Variants in IQCJ observed in about 807,000 individuals in gnomAD.
IQCJ encodes IQ domain-containing protein J.
Under a neutral mutation model 11.0 loss-of-function variants are expected in IQCJ, and 9 were observed. The ratio of observed to expected loss-of-function variants is 0.82; its 90% CI spans 0.49 to 1.43. The LOEUF is 1.43. Among genes scored for constraint, IQCJ ranks in the 40% most tolerant of loss-of-function variants. The pLI is 0.00. For missense variants in IQCJ, 146 were observed against 133.2 expected (o/e 1.10, Z -0.47); for synonymous variants, 55 against 51.3 (o/e 1.07, Z -0.31).
intron 1 of IQCJ, among the ~76,000 whole-genome samples, chr3:159,168,853 A>G (rs1258391555): frequency 6.6e-6 from 1 of 151,992 alleles, no homozygotes; most frequent in East Asian, 1.9e-4. Context: ...ACATAGAGTC[A>G]ATGGACCCAC....
At chr3:159,123,650 C>G (rs998305972) in intron 1 of IQCJ, among the ~76,000 whole-genome samples, 1 of 152,126 alleles carries the variant, frequency 6.6e-6, no homozygotes, top group African/African-American at 2.4e-5. Flanking sequence ...GGGCCGATCA[C>G]TCCACACCTC....
intron 1 of IQCJ, among the ~76,000 whole-genome samples, chr3:159,116,614 G>C: frequency 1.7e-5 from 1 of 57,706 alleles, no homozygotes. Context: ...CTGCTCATAT[G>C]TATATATATA....
chr3:159,088,775 G>A (rs573781954), intron 1 of IQCJ, among the ~76,000 whole-genome samples: 1 of 151,924 alleles, frequency 6.6e-6, no homozygotes, highest in South Asian at 2.1e-4. Context: ...TTGCTTGGTA[G>A]ATCTTCCTCC....
intron 1 of IQCJ, among the ~76,000 whole-genome samples, chr3:159,137,628 G>T (rs939864023): frequency 1.3e-5 from 2 of 151,954 alleles, no homozygotes; most frequent in African/African-American, 2.4e-5. Context: ...CTTTATTTTT[G>T]ATCTATTGAC....
intron 1 of IQCJ, among the ~76,000 whole-genome samples, chr3:159,082,344 A>AT (rs1472332154): frequency 6.7e-6 from 1 of 149,220 alleles, no homozygotes; most frequent in Admixed American, 6.7e-5. Flanking sequence ...AAACAACTCT[A>AT]TAAGTTTTTT....
chr3:159,159,114 T>C (rs558155369), intron 1 of IQCJ, among the ~76,000 whole-genome samples: 1 of 152,144 alleles, frequency 6.6e-6, no homozygotes, highest in East Asian at 1.9e-4. Flanking sequence ...AAGAAAGAGG[T>C]GAAGCAGCAT....
intron 1 of IQCJ, among the ~76,000 whole-genome samples, chr3:159,241,094 A>G (rs1726891128): frequency 6.6e-6 from 1 of 151,954 alleles, no homozygotes; most frequent in Non-Finnish European, 1.5e-5. Context: ...CAGAAACCCC[A>G]ACTGAAAGTG....
chr3:159,203,337 C>T (rs1012267514), intron 1 of IQCJ, among the ~76,000 whole-genome samples: 7 of 150,632 alleles, frequency 4.6e-5, no homozygotes, highest in African/African-American at 1.7e-4. Flanking sequence ...AATTGCAGCT[C>T]AGTGAGCTGA....
chr3:159,249,000 G>A (rs1166284867), intron 2 of IQCJ, among the ~76,000 whole-genome samples: 3 of 151,910 alleles, frequency 2.0e-5, no homozygotes, highest in African/African-American at 4.8e-5. Context: ...GGGATTATAG[G>A]TGCCTGCCAC....
rs545732360 is a variant in IQCJ, at chr3:159,223,897, T to C, written c.10-21946T>C. ...TATGAAACACAAATGAATTTGTGTT[T>C]AGATGTGGGTCCCATCCCCAAGATA... On this transcript the variant is annotated intron_variant, in intron 1 of 3. Transcript: ENST00000397832. Among the ~76,000 whole-genome samples, 5 of 152,232 alleles carry C rather than the reference T, an allele frequency of 3.3e-5. No homozygotes were observed. The South Asian group carries it at 1.0e-3, about 32-fold the overall frequency.
At chr3:159,072,686 G>C (rs1184361025) in intron 1 of IQCJ, among the ~76,000 whole-genome samples, 1 of 151,966 alleles carries the variant, frequency 6.6e-6, no homozygotes, top group African/African-American at 2.4e-5. Flanking sequence ...TATGGGCCAG[G>C]CACTGCACTA....
intron 1 of IQCJ, among the ~76,000 whole-genome samples, chr3:159,086,170 G>A (rs1321087383): frequency 6.6e-6 from 1 of 152,146 alleles, no homozygotes; most frequent in African/African-American, 2.4e-5. Flanking sequence ...TTATTAAATA[G>A]GGAATCCTTT....
chr3:159,186,594 A>G (rs965000428), intron 1 of IQCJ, among the ~76,000 whole-genome samples: 12 of 152,234 alleles, frequency 7.9e-5, no homozygotes, highest in African/African-American at 2.7e-4. Context: ...GATGTTATTA[A>G]GGAGACAGCC....
At chr3:159,129,233 C>G (rs1719852322) in intron 1 of IQCJ, among the ~76,000 whole-genome samples, 1 of 152,136 alleles carries the variant, frequency 6.6e-6, no homozygotes, top group African/African-American at 2.4e-5. Flanking sequence ...CATCCTGTAA[C>G]TAGCAGAAAG....
At chr3:159,115,305 A>G (rs1397347364) in intron 1 of IQCJ, among the ~76,000 whole-genome samples, 1 of 152,136 alleles carries the variant, frequency 6.6e-6, no homozygotes, top group Non-Finnish European at 1.5e-5. Context: ...CCATTAACAC[A>G]TGGATGGTGA....
At chr3:159,218,341 T>TTC (rs1725347485) in intron 1 of IQCJ, among the ~76,000 whole-genome samples, 1 of 145,914 alleles carries the variant, frequency 6.9e-6, no homozygotes, top group East Asian at 2.0e-4. Flanking sequence ...GAGTCCCTCT[T>TTC]TGTGTGTGTG....
intron 1 of IQCJ, among the ~76,000 whole-genome samples, chr3:159,176,325 A>G (rs1722792467): frequency 6.6e-6 from 1 of 151,934 alleles, no homozygotes. Context: ...ACTGTTGTCT[A>G]TTTTATTTTT....
At chr3:159,217,405 C>T (rs1159808797) in intron 1 of IQCJ, among the ~76,000 whole-genome samples, 2 of 152,116 alleles carry the variant, frequency 1.3e-5, no homozygotes, top group Admixed American at 6.5e-5. Context: ...TGAGTGTTAT[C>T]ACATGCTTGG....
intron 1 of IQCJ, among the ~76,000 whole-genome samples, chr3:159,223,748 G>A (rs1725686126): frequency 1.3e-5 from 2 of 152,096 alleles, no homozygotes; most frequent in Admixed American, 1.3e-4. Context: ...ATGCTTCAGT[G>A]TTCAAAACTT....
Sources: allele counts gnomAD v4.1 joint callset (sites outside exome capture counted in the v4.1 genomes callset), GRCh38; gene constraint gnomAD v4.1.1; transcripts MANE v1.5; gene names NCBI Gene and HGNC (gene_info 2026-07-23, HGNC 2026-07-21).